LPP: variants seen among roughly 807,000 people sequenced by gnomAD.
The protein encoded by LPP is LIM domain containing preferred translocation partner in lipoma.
LPP carries 38 observed loss-of-function variants against 60.4 expected under a neutral mutation model. The ratio of observed to expected loss-of-function variants is 0.63; its 90% CI spans 0.49 to 0.83. The LOEUF (loss-of-function observed/expected upper bound fraction) is 0.83, where lower values mean the gene tolerates loss of function less well. Among genes scored for constraint, LPP ranks in the 40% least tolerant of loss-of-function variants. The probability of loss-of-function intolerance (pLI) is 0.00; values close to 1 mark genes in which losing one functional copy is unlikely to be tolerated. For synonymous variants in LPP, 328 were observed against 290.8 expected (o/e 1.13, Z -1.30); for missense variants, 902 against 783.6 (o/e 1.15, Z -1.80).
At chr3:188,854,050 A>G (rs1174267535) in intron 9 of LPP, among the ~76,000 whole-genome samples, 2 of 152,198 alleles carry the variant, frequency 1.3e-5, no homozygotes, top group East Asian at 1.9e-4. Context: ...GTGTTAGTTC[A>G]CTGTGCTGAA....
At chr3:188,401,279 T>A (rs543274922) in intron 3 of LPP, among the ~76,000 whole-genome samples, 75 of 152,342 alleles carry the variant, frequency 4.9e-4, no homozygotes, top group Admixed American at 4.9e-3. Flanking sequence ...GCAGAACTCA[T>A]GTTATCTTTT....
intron 2 of LPP, among the ~76,000 whole-genome samples, chr3:188,325,335 G>C (rs894497703): frequency 2.0e-5 from 3 of 152,066 alleles, no homozygotes; most frequent in African/African-American, 7.2e-5. Flanking sequence ...TAGACACACT[G>C]ACCTTCCTTT....
chr3:188,400,277 G>T (rs1037125280), intron 3 of LPP, among the ~76,000 whole-genome samples: 2 of 152,194 alleles, frequency 1.3e-5, no homozygotes, highest in Non-Finnish European at 2.9e-5. Flanking sequence ...ACAGAGTGAA[G>T]ACCGGAGATT....
intron 4 of LPP, among the ~76,000 whole-genome samples, chr3:188,462,425 T>G (rs1367539639): frequency 6.7e-6 from 1 of 150,120 alleles, no homozygotes; most frequent in Non-Finnish European, 1.5e-5. Context: ...ATTGATTGTA[T>G]ATTATTGCAT....
intron 2 of LPP, among the ~76,000 whole-genome samples, chr3:188,277,437 G>T (rs1169563627): frequency 6.6e-6 from 1 of 152,132 alleles, no homozygotes; most frequent in East Asian, 1.9e-4. Context: ...TTTTTTAAAT[G>T]CTTCTATCCC....
chr3:188,229,411 G>T (rs1488027634), intron 2 of LPP, among the ~76,000 whole-genome samples: 2 of 152,140 alleles, frequency 1.3e-5, no homozygotes, highest in African/African-American at 4.8e-5. Context: ...TTCCTCTTTG[G>T]TCCTCAGAAG....
At chr3:188,577,047 A>G (rs1414465198) in intron 6 of LPP, among the ~76,000 whole-genome samples, 1 of 152,200 alleles carries the variant, frequency 6.6e-6, no homozygotes, top group African/African-American at 2.4e-5. Flanking sequence ...TGTTGTGTAG[A>G]AAGGAGTAAG....
intron 9 of LPP, among the ~76,000 whole-genome samples, chr3:188,846,384 G>A (rs1761400260): frequency 6.6e-6 from 1 of 152,244 alleles, no homozygotes; most frequent in Admixed American, 6.5e-5. Flanking sequence ...GGGCAAGAAA[G>A]TATAAGATAT....
chr3:188,202,199 A>G (rs964352586), intron 1 of LPP, among the ~76,000 whole-genome samples: 5 of 152,028 alleles, frequency 3.3e-5, no homozygotes, highest in Non-Finnish European at 7.4e-5. Context: ...AAACATCAGT[A>G]ATGCTTTTTG....
intron 3 of LPP, among the ~76,000 whole-genome samples, chr3:188,396,109 A>G (rs926635721): frequency 3.3e-5 from 5 of 152,274 alleles, no homozygotes; most frequent in East Asian, 1.9e-4. Context: ...TCTTGTTGCT[A>G]TGATTACTCT....
intron 6 of LPP, among the ~76,000 whole-genome samples, chr3:188,547,153 A>T (rs556157091): frequency 1.3e-5 from 2 of 152,320 alleles, no homozygotes; most frequent in East Asian, 3.9e-4. Flanking sequence ...TGTTCAGCCC[A>T]GTTGGAGCTT....
chr3:188,471,951 G>A (rs1002313821), intron 4 of LPP, among the ~76,000 whole-genome samples: 3 of 152,104 alleles, frequency 2.0e-5, no homozygotes, highest in African/African-American at 7.2e-5. Context: ...ATTTTGAAGT[G>A]ACTATTATTA....
intron 5 of LPP, among the ~76,000 whole-genome samples, chr3:188,501,563 C>T (rs1379318919): frequency 6.6e-6 from 1 of 152,012 alleles, no homozygotes; most frequent in African/African-American, 2.4e-5. Context: ...TCCTGGCTAA[C>T]GCGGTGAAAC....
At chr3:188,536,543 T>TG (rs1823687598) in intron 6 of LPP, among the ~76,000 whole-genome samples, 1 of 152,242 alleles carries the variant, frequency 6.6e-6, no homozygotes, top group Non-Finnish European at 1.5e-5. Flanking sequence ...ACACATATAT[T>TG]TGCCTATAAA....
intron 3 of LPP, 68 bp from the exon 4 acceptor site, chr3:188,406,044 C>A: frequency 7.5e-7 from 1 of 1,333,010 alleles, no homozygotes. Flanking sequence ...GGTGAAATAG[C>A]AATGAAATGA....
intron 2 of LPP, among the ~76,000 whole-genome samples, chr3:188,240,317 A>T (rs1723706483): frequency 6.6e-6 from 1 of 151,876 alleles, no homozygotes; most frequent in African/African-American, 2.4e-5. Context: ...TGTTGACTGC[A>T]TAAGAGTCAG....
chr3:188,496,933 AAGATGTCAATGTC>A, intron 5 of LPP, among the ~76,000 whole-genome samples: 1 of 152,190 alleles, frequency 6.6e-6, no homozygotes, highest in East Asian at 1.9e-4. Context: ...AAATTTAGTA[AAGATGTCAATGTC>A]AATCTTTCTT....
chr3:188,180,593 T>G (rs1724654904), intron 1 of LPP: 1 of 154,406 alleles, frequency 6.5e-6, no homozygotes, highest in East Asian at 1.9e-4. Context: ...TTCAAAAATA[T>G]GGAACCGTAT....
intron 2 of LPP, among the ~76,000 whole-genome samples, chr3:188,279,654 G>A (rs1405680017): frequency 6.6e-6 from 1 of 152,234 alleles, no homozygotes; most frequent in African/African-American, 2.4e-5. Context: ...TCTTCTGGGT[G>A]TTGTAGAAAG....
Sources: allele counts gnomAD v4.1 joint callset (sites outside exome capture counted in the v4.1 genomes callset), GRCh38; gene constraint gnomAD v4.1.1; transcripts MANE v1.5; gene names NCBI Gene and HGNC (gene_info 2026-07-23, HGNC 2026-07-21).